The following PTPN5 variants were observed in gnomAD, a reference collection of about 807,000 sequenced individuals.
PTPN5 encodes the protein tyrosine-protein phosphatase non-receptor type 5.
Under a neutral mutation model 73.9 loss-of-function variants are expected in PTPN5, and 29 were observed. The observed-to-expected ratio is 0.39, with a 90% CI of 0.29 to 0.54. The LOEUF (loss-of-function observed/expected upper bound fraction) is 0.54. Among genes scored for constraint, PTPN5 ranks in the 20% least tolerant of loss-of-function variants. The pLI, the probability that PTPN5 is intolerant of heterozygous loss-of-function variation, is 0.65. For synonymous variants in PTPN5, 267 were observed against 304.7 expected, an observed-to-expected ratio of 0.88 and a Z score of 1.29; for missense variants, 652 against 751.4, an observed-to-expected ratio of 0.87 and a Z score of 1.55.
chr11:18,741,735 G>A (rs1463447434), intron 7 of PTPN5, among the ~76,000 whole-genome samples: 4 of 152,100 alleles, frequency 2.6e-5, no homozygotes, highest in Admixed American at 6.6e-5. Context: ...GGAGAGAGGC[G>A]GGCAAGGGAT....
intron 11 of PTPN5, 139 bp from the exon 12 acceptor site, chr11:18,732,841 A>G: frequency 1.4e-6 from 1 of 695,218 alleles, no homozygotes. Flanking sequence ...TCTCAGCTGC[A>G]AACTCTATAA....
intron 1 of PTPN5, among the ~76,000 whole-genome samples, chr11:18,782,145 A>C (rs577230238): frequency 6.6e-6 from 1 of 152,330 alleles, no homozygotes; most frequent in African/African-American, 2.4e-5. Flanking sequence ...AGGTATTGCC[A>C]TGCTAGTTGG....
Position 18,729,722 on chromosome 11 carries a change from G to A in PTPN5, c.1426C>T (p.Arg476Trp), listed in dbSNP as rs768477963. 16 of 1,595,836 alleles carry A rather than the reference G, an allele frequency of 1.0e-5. No homozygotes were observed. The East Asian group carries it at 1.3e-4, about 13-fold the overall frequency. Reference sequence around the variant, plus strand: ...TGCTGGGCTGCCTCCTCCACCTCCCGCACCAGGTGCAGGAGTGGGGGGGCC... The same window carrying A: ...TGCTGGGCTGCCTCCTCCACCTCCCACACCAGGTGCAGGAGTGGGGGGGCC... The part of the protein sequence containing the change: ...DRAPPLLHLV[R>W]EVEEAAQQEG... Residue 476 changes from arginine (R) to tryptophan (W), a missense_variant, in exon 13 of 15, where the codon CGG becomes TGG. Around this residue, in one of 3 missense-constraint regions of PTPN5, gnomAD observed 102 missense variants for 160.5 expected, o/e 0.64. Coordinates refer to ENST00000358540, the MANE Select transcript of PTPN5 (RefSeq NM_006906.2). This position sits in a 1 kb window ranked among gnomAD's most constrained non-coding sequence, Gnocchi z 5.2.
intron 2 of PTPN5, among the ~76,000 whole-genome samples, chr11:18,771,055 GC>G (rs1326435142): frequency 6.6e-6 from 1 of 152,158 alleles, no homozygotes; most frequent in African/African-American, 2.4e-5. Flanking sequence ...CAATCAGGGA[GC>G]CTGAGCCTGC....
intron 1 of PTPN5, among the ~76,000 whole-genome samples, chr11:18,780,413 C>T (rs544082432): frequency 2.0e-4 from 31 of 152,312 alleles, no homozygotes; most frequent in Non-Finnish European, 3.2e-4. Flanking sequence ...GCTCCTAGAG[C>T]GGCCCCTAGC....
At position 18,772,003 on chromosome 11, in the gene PTPN5, G is replaced by A. The variant is rs762222987; in HGVS notation, c.-45C>T. 7.3e-6 allele frequency: 11 copies of A among 1,509,484 alleles called. No homozygotes were observed. In the South Asian group the frequency reaches 1.4e-4, roughly 20 times the overall value. The allele number at this position is 1,509,484 out of a possible 1,614,324, so 93.5% of individuals were successfully genotyped here. On this transcript the variant is annotated 5_prime_UTR_variant, in exon 2 of 15. Coordinates refer to ENST00000358540, the MANE Select transcript of PTPN5 (RefSeq NM_006906.2). Reference sequence around the variant, plus strand: ...GGAAGGGTGCCATCTTCCAGGGCAGGAAGCTTTCTCAGCAAAAAGCAAGCT... The same window carrying A: ...GGAAGGGTGCCATCTTCCAGGGCAGAAAGCTTTCTCAGCAAAAAGCAAGCT...
intron 12 of PTPN5, chr11:18,730,026 G>A (rs959438459): frequency 2.4e-5 from 15 of 626,498 alleles, no homozygotes; most frequent in East Asian, 1.7e-4. Context: ...GGTCAGCAGC[G>A]TTGGCATGGA....
At chr11:18,775,223 T>G (rs1030480164) in intron 1 of PTPN5, among the ~76,000 whole-genome samples, 7 of 152,258 alleles carry the variant, frequency 4.6e-5, no homozygotes, top group Non-Finnish European at 1.0e-4. Flanking sequence ...TCTCTTTCAC[T>G]TTTTAGCTTT....
intron 3 of PTPN5, among the ~76,000 whole-genome samples, chr11:18,747,748 T>C (rs1224303199): frequency 6.6e-6 from 1 of 152,216 alleles, no homozygotes; most frequent in Non-Finnish European, 1.5e-5. Context: ...AAGGCAAGGT[T>C]ACAAAACAGT....
Position 18,742,654 on chromosome 11 carries a change from G to A in PTPN5, c.484-151C>T, listed in dbSNP as rs1056834134. The A allele has an allele frequency of 1.0e-5, 12 of 1,158,444 alleles. No individual in the cohort carries two copies. Among genetic ancestry groups the A allele is most frequent in the African/African-American group, 4.7e-5 (3 of 64,418 alleles). 71.8% of individuals were successfully genotyped at this position (1,158,444 alleles called of 1,614,324 possible). A position where few individuals can be genotyped will look rare whatever the true frequency, so the allele number is the denominator to read the frequency against. On this transcript the variant is annotated intron_variant, in intron 6 of 14. Coordinates refer to ENST00000358540, the MANE Select transcript of PTPN5 (RefSeq NM_006906.2). The surrounding 1 kb of genome is among the most constrained non-coding windows in gnomAD (Gnocchi z 4.1). ...GAGTTGTCCACAAGGCACTGCCCCT[G>A]GCCTCGATGGGAGGCTCCATGCCCA...
At chr11:18,730,108 T>C (rs1341449033) in intron 12 of PTPN5, 7 of 536,436 alleles carry the variant, frequency 1.3e-5, no homozygotes, top group Non-Finnish European at 2.3e-5. Flanking sequence ...CTCCAATTTA[T>C]TACTATCTCC....
At chr11:18,789,819 G>C (rs767960321) in intron 1 of PTPN5, among the ~76,000 whole-genome samples, 24 of 152,156 alleles carry the variant, frequency 1.6e-4, no homozygotes, top group Non-Finnish European at 2.6e-4. Flanking sequence ...GATGAGGGAT[G>C]AAAGACTACA....
chr11:18,783,663 G>C (rs994756058), intron 1 of PTPN5, among the ~76,000 whole-genome samples: 19 of 152,226 alleles, frequency 1.2e-4, no homozygotes, highest in African/African-American at 4.6e-4. Context: ...CACTCAGTAA[G>C]AGTGAGTGCT....
At chr11:18,757,152 A>G (rs1437598910) in intron 3 of PTPN5, among the ~76,000 whole-genome samples, 1 of 152,186 alleles carries the variant, frequency 6.6e-6, no homozygotes, top group Non-Finnish European at 1.5e-5. Flanking sequence ...TAAAAAAATG[A>G]GCTGTGAATA....
intron 3 of PTPN5, among the ~76,000 whole-genome samples, chr11:18,748,966 T>C (rs1849760389): frequency 6.6e-6 from 1 of 152,240 alleles, no homozygotes; most frequent in African/African-American, 2.4e-5. Flanking sequence ...CTCCTAGAAA[T>C]GACGTCAGCT....
At chr11:18,777,066 C>T (rs1013456474) in intron 1 of PTPN5, among the ~76,000 whole-genome samples, 27 of 152,192 alleles carry the variant, frequency 1.8e-4, no homozygotes, top group African/African-American at 6.5e-4. Context: ...GAGGCTGAGG[C>T]AGGAGAATCA....
chr11:18,771,803 G>T, intron 2 of PTPN5, 136 bp downstream of exon 2: 1 of 737,398 alleles, frequency 1.4e-6, no homozygotes, highest in Non-Finnish European at 2.3e-6. Context: ...CAGAGGGCAT[G>T]CTGGTTTCAT....
Position 18,733,131 on chromosome 11 carries a change from C to T in PTPN5, c.1218+104G>A, listed in dbSNP as rs1428198400. On this transcript the variant is annotated intron_variant, in intron 11 of 14. Coordinates refer to ENST00000358540, the MANE Select transcript of PTPN5 (RefSeq NM_006906.2). This position sits in a 1 kb window ranked among gnomAD's most constrained non-coding sequence, Gnocchi z 4.3. Reference sequence around the variant, plus strand: ...CTCCTCATCTTGGCAGCGGAGTGAACACCGCCGACCTCTTGAGATTGTCAT... The same window carrying T: ...CTCCTCATCTTGGCAGCGGAGTGAATACCGCCGACCTCTTGAGATTGTCAT... The T allele has an allele frequency of 2.7e-6, 4 of 1,500,616 alleles. No individual in the cohort carries two copies. The highest frequency in any genetic ancestry group is 2.3e-5 in the East Asian group (1 of 43,738). The allele number at this position is 1,500,616 out of a possible 1,614,324, so 93.0% of individuals were successfully genotyped here.
At chr11:18,785,524 G>A (rs1851629269) in intron 1 of PTPN5, among the ~76,000 whole-genome samples, 1 of 152,172 alleles carries the variant, frequency 6.6e-6, no homozygotes, top group African/African-American at 2.4e-5. Context: ...TCTCTAGCAT[G>A]GAGTATGGTT....
Sources: allele counts gnomAD v4.1 joint callset (sites outside exome capture counted in the v4.1 genomes callset), GRCh38; gene constraint gnomAD v4.1.1; regional missense constraint gnomAD v4.1.1; non-coding constraint Gnocchi (gnomAD v3.1); transcripts MANE v1.5; gene names NCBI Gene and HGNC (gene_info 2026-07-23, HGNC 2026-07-21).